The following SDK1 variants were observed in gnomAD, a reference collection of about 807,000 sequenced individuals.
SDK1 encodes the protein sidekick cell adhesion molecule 1.
SDK1 carries 157 observed loss-of-function variants against 245.5 expected under a neutral mutation model. The observed-to-expected ratio is 0.64, with a 90% CI of 0.56 to 0.73. The LOEUF (loss-of-function observed/expected upper bound fraction) is 0.73. Ranked by LOEUF, SDK1 falls within the 30% of genes least tolerant of loss-of-function variation. The pLI is 0.00. For missense variants in SDK1, 3,583 were observed against 3,002.3 expected (o/e 1.19, Z -4.52); for synonymous variants, 1,647 against 1,278.5 (o/e 1.29, Z -6.15).
At chr7:3,570,981 A>T (rs993038636) in intron 1 of SDK1, among the ~76,000 whole-genome samples, 1 of 152,096 alleles carries the variant, frequency 6.6e-6, no homozygotes, top group East Asian at 1.9e-4. Context: ...TTGCACTTAA[A>T]GTACACACGT....
At position 4,110,570 on chromosome 7, in the gene SDK1, A is replaced by G; in HGVS notation, c.3325-93A>G. The G allele has an allele frequency of 4.5e-6, 4 of 884,344 alleles. 1 individual carries two copies. In the South Asian group the frequency reaches 5.7e-5, roughly 13 times the overall value. 54.8% of individuals were successfully genotyped at this position (884,344 alleles called of 1,614,324 possible). A position where few individuals can be genotyped will look rare whatever the true frequency, so the allele number is the denominator to read the frequency against. On this transcript the variant is annotated intron_variant, in intron 22 of 44. Coordinates refer to ENST00000404826, the MANE Select transcript of SDK1 (RefSeq NM_152744.4). ...GTGGGGACGCCTTGCAGCCCTGCCC[A>G]GCTCACCAGGTACCAGCAGGTGCAC...
intron 14 of SDK1, among the ~76,000 whole-genome samples, chr7:4,006,169 C>T (rs1205515055): frequency 2.0e-5 from 3 of 152,178 alleles, no homozygotes; most frequent in South Asian, 4.1e-4. Context: ...GAAAAAGCTT[C>T]CAGTACATTT....
intron 1 of SDK1, among the ~76,000 whole-genome samples, chr7:3,589,225 C>G (rs753410008): frequency 6.6e-6 from 1 of 152,078 alleles, no homozygotes; most frequent in African/African-American, 2.4e-5. Flanking sequence ...TTGGTGCGGA[C>G]TCTTTGATGT....
chr7:3,734,542 A>C (rs896532111), intron 4 of SDK1, among the ~76,000 whole-genome samples: 1 of 152,272 alleles, frequency 6.6e-6, no homozygotes, highest in African/African-American at 2.4e-5. Context: ...TCAGTACTTC[A>C]GGGTTAAACA....
At chr7:4,057,806 A>T (rs1779292299) in intron 19 of SDK1, among the ~76,000 whole-genome samples, 1 of 152,218 alleles carries the variant, frequency 6.6e-6, no homozygotes, top group Non-Finnish European at 1.5e-5. Flanking sequence ...TGCTGTTTAC[A>T]GCCAAATAAA....
chr7:4,027,421 A>C (rs1298855840), intron 17 of SDK1, among the ~76,000 whole-genome samples: 1 of 152,228 alleles, frequency 6.6e-6, no homozygotes, highest in Admixed American at 6.5e-5. Context: ...GGGTTTGCAC[A>C]GTCCCGTAGG....
At chr7:3,452,168 C>T (rs908137143) in intron 1 of SDK1, among the ~76,000 whole-genome samples, 1 of 152,100 alleles carries the variant, frequency 6.6e-6, no homozygotes, top group Non-Finnish European at 1.5e-5. Flanking sequence ...GTGTTTGGGG[C>T]TTTTGTCGTG....
rs967456468 is a variant in SDK1, at chr7:3,616,770, C to A, written c.299-2310C>A. On this transcript the variant is annotated intron_variant, in intron 1 of 44. Transcript: ENST00000404826. ...TTAAATTCTATATATTCAGTTTATA[C>A]ACTATAGTTTAATGTGCAACTAGTT... is the stretch of plus-strand genomic sequence containing the variant. Among the ~76,000 whole-genome samples the A allele has an allele frequency of 5.3e-5, 8 of 152,176 alleles. No individual in the cohort carries two copies. The South Asian group carries it at 1.4e-3, about 28-fold the overall frequency.
chr7:3,530,633 CATAG>C (rs778238461), intron 1 of SDK1, among the ~76,000 whole-genome samples: 226 of 152,234 alleles, frequency 1.5e-3, no homozygotes, highest in African/African-American at 4.7e-3. Flanking sequence ...AATACTTTCA[CATAG>C]ATAGGCATGT....
intron 1 of SDK1, among the ~76,000 whole-genome samples, chr7:3,482,492 T>C (rs543461701): frequency 6.6e-6 from 1 of 152,210 alleles, no homozygotes; most frequent in African/African-American, 2.4e-5. Context: ...AAGTCCGTAA[T>C]GTAAAAGGTG....
intron 14 of SDK1, among the ~76,000 whole-genome samples, chr7:3,988,611 A>G (rs1483316683): frequency 6.6e-6 from 1 of 151,830 alleles, no homozygotes; most frequent in Non-Finnish European, 1.5e-5. Context: ...GAAACTCAAC[A>G]CGGATTTTAT....
chr7:4,034,236 T>C lies in SDK1; in HGVS notation c.2603-15112T>C, dbSNP rs535880301. Among the ~76,000 whole-genome samples the C allele has an allele frequency of 4.6e-5, 7 of 152,332 alleles. 2 individuals carry two copies. The highest frequency in any genetic ancestry group is 1.7e-4 in the African/African-American group (7 of 41,578). On this transcript the variant is annotated intron_variant, in intron 17 of 44. Transcript: ENST00000404826. Reference sequence around the variant, plus strand: ...CATGAAAGTCAAGAACTACTCCAGATTGAAGAAGACGAAAGAGACATGATT... The same window carrying C: ...CATGAAAGTCAAGAACTACTCCAGACTGAAGAAGACGAAAGAGACATGATT...
intron 5 of SDK1, among the ~76,000 whole-genome samples, chr7:3,926,062 G>A (rs1022059893): frequency 1.3e-5 from 2 of 152,202 alleles, no homozygotes; most frequent in South Asian, 2.1e-4. Flanking sequence ...AGGGAAATCA[G>A]TGTCACCTAT....
intron 20 of SDK1, among the ~76,000 whole-genome samples, chr7:4,071,566 A>C (rs192608638): frequency 1.3e-5 from 2 of 152,238 alleles, no homozygotes; most frequent in Non-Finnish European, 2.9e-5. Flanking sequence ...GGCAGGGGGA[A>C]CTGAGCAGGG....
intron 5 of SDK1, among the ~76,000 whole-genome samples, chr7:3,949,899 G>T (rs1430129793): frequency 6.6e-6 from 1 of 152,118 alleles, no homozygotes; most frequent in African/African-American, 2.4e-5. Flanking sequence ...TGAATATATT[G>T]GCTCCAGGGA....
chr7:3,646,943 A>C (rs779868391), intron 4 of SDK1, among the ~76,000 whole-genome samples: 2 of 152,208 alleles, frequency 1.3e-5, no homozygotes, highest in African/African-American at 4.8e-5. Flanking sequence ...GTTGCCAGGG[A>C]CTTGGGGGAA....
chr7:3,408,736 A>G (rs1779117206), intron 1 of SDK1, among the ~76,000 whole-genome samples: 1 of 152,168 alleles, frequency 6.6e-6, no homozygotes, highest in Admixed American at 6.5e-5. Flanking sequence ...TCTATTTATG[A>G]ACTGTATGTT....
chr7:3,330,202 T>G (rs927459678), intron 1 of SDK1, among the ~76,000 whole-genome samples: 2 of 152,250 alleles, frequency 1.3e-5, no homozygotes, highest in African/African-American at 4.8e-5. Flanking sequence ...CTCTTGGGTA[T>G]GTACCTACAG....
chr7:3,610,825 A>G (rs1781564875), intron 1 of SDK1, among the ~76,000 whole-genome samples: 1 of 152,254 alleles, frequency 6.6e-6, no homozygotes, highest in African/African-American at 2.4e-5. Context: ...AGTGCTGTTT[A>G]ATGGAAATCT....
Sources: allele counts gnomAD v4.1 joint callset (sites outside exome capture counted in the v4.1 genomes callset), GRCh38; gene constraint gnomAD v4.1.1; transcripts MANE v1.5; gene names NCBI Gene and HGNC (gene_info 2026-07-23, HGNC 2026-07-21).